The following OPCML variants were observed in gnomAD, a reference collection of about 807,000 sequenced individuals.
The protein encoded by OPCML is opioid binding protein/cell adhesion molecule like.
OPCML carries 13 observed loss-of-function variants against 37.8 expected under a neutral mutation model. The observed-to-expected ratio is 0.34, with a 90% CI of 0.22 to 0.55. OPCML has a LOEUF of 0.55. Ranked by LOEUF, OPCML falls within the 20% of genes least tolerant of loss-of-function variation. The pLI, the probability that OPCML is intolerant of heterozygous loss-of-function variation, is 0.91. For synonymous variants in OPCML, 176 were observed against 168.8 expected, an observed-to-expected ratio of 1.04 and a Z score of -0.33; for missense variants, 341 against 435.6, an observed-to-expected ratio of 0.78 and a Z score of 1.93.
At chr11:133,346,469 C>T (rs540509724) in intron 1 of OPCML, among the ~76,000 whole-genome samples, 1 of 152,148 alleles carries the variant, frequency 6.6e-6, no homozygotes, top group Non-Finnish European at 1.5e-5. Context: ...TAGGGGACTA[C>T]AGAAGAATAG....
chr11:133,290,647 C>T (rs1242921789), intron 1 of OPCML, among the ~76,000 whole-genome samples: 2 of 152,156 alleles, frequency 1.3e-5, no homozygotes, highest in African/African-American at 4.8e-5. Flanking sequence ...CAGGAGATGT[C>T]ACCAGACAAC....
intron 4 of OPCML, among the ~76,000 whole-genome samples, chr11:132,527,799 A>T (rs541616338): frequency 1.3e-5 from 2 of 152,336 alleles, no homozygotes; most frequent in African/African-American, 4.8e-5. Flanking sequence ...TTACAGAGGT[A>T]ATCAAGTTAA....
intron 2 of OPCML, among the ~76,000 whole-genome samples, chr11:132,735,125 G>T (rs937658066): frequency 6.6e-6 from 1 of 152,124 alleles, no homozygotes; most frequent in Non-Finnish European, 1.5e-5. Flanking sequence ...GACCCAGAGC[G>T]TACTGGTTTT....
chr11:133,232,669 G>C (rs913858741), intron 1 of OPCML, among the ~76,000 whole-genome samples: 1 of 152,142 alleles, frequency 6.6e-6, no homozygotes, highest in African/African-American at 2.4e-5. Flanking sequence ...GTGGTGAGAA[G>C]ACATTGTGAC....
intron 2 of OPCML, among the ~76,000 whole-genome samples, chr11:132,779,101 G>T (rs1946907985): frequency 1.3e-5 from 2 of 151,118 alleles, no homozygotes; most frequent in Non-Finnish European, 1.5e-5. Flanking sequence ...CTGAGTAGCT[G>T]GGATTACAGG....
chr11:132,829,135 G>T (rs924641012), intron 2 of OPCML, among the ~76,000 whole-genome samples: 1 of 152,110 alleles, frequency 6.6e-6, no homozygotes, highest in Admixed American at 6.5e-5. Flanking sequence ...AGTATTAGAA[G>T]AATCCAGAAG....
intron 3 of OPCML, among the ~76,000 whole-genome samples, chr11:132,655,811 C>G (rs1161003366): frequency 6.6e-6 from 1 of 151,922 alleles, no homozygotes; most frequent in African/African-American, 2.4e-5. Flanking sequence ...ATAGACAGCC[C>G]CCACGCAACC....
At chr11:133,067,748 G>T (rs77948281) in intron 1 of OPCML, 2 of 152,078 alleles carry the variant, frequency 1.3e-5, no homozygotes, top group Non-Finnish European at 2.9e-5. Flanking sequence ...CTATGCCATC[G>T]CCTCTCCCCC....
At chr11:133,207,578 G>A (rs1939137018) in intron 1 of OPCML, among the ~76,000 whole-genome samples, 1 of 152,132 alleles carries the variant, frequency 6.6e-6, no homozygotes, top group Non-Finnish European at 1.5e-5. Flanking sequence ...GTGAAACGGC[G>A]GCGGTTGGGC....
In OPCML at chr11:133,085,531, G is replaced by A. The variant is rs997543815; in HGVS notation, c.62-142521C>T. Among the ~76,000 whole-genome samples the A allele has an allele frequency of 1.5e-4, 23 of 152,202 alleles. 1 individual carries two copies. Among genetic ancestry groups the A allele is most frequent in the Admixed American group, 9.8e-4 (15 of 15,276 alleles). ...GAATTGATTTGAAAGAGCTTTCAAT[G>A]CATTTGGCAAGACAAACCTTACCTA... On this transcript the variant is annotated intron_variant, in intron 1 of 7. Coordinates refer to ENST00000524381, the MANE Select transcript of OPCML (RefSeq NM_001012393.5).
chr11:133,293,511 G>T (rs982057410), intron 1 of OPCML, among the ~76,000 whole-genome samples: 1 of 152,120 alleles, frequency 6.6e-6, no homozygotes. Context: ...GTAAATGCTG[G>T]CTACTAAGTA....
chr11:132,899,889 G>C (rs537819818), intron 2 of OPCML, among the ~76,000 whole-genome samples: 1 of 151,990 alleles, frequency 6.6e-6, no homozygotes, highest in Non-Finnish European at 1.5e-5. Context: ...AGGCTCTCTC[G>C]CCTGTGGATT....
intron 1 of OPCML, among the ~76,000 whole-genome samples, chr11:133,136,999 G>A (rs146042669): frequency 7.6e-4 from 115 of 152,160 alleles, no homozygotes; most frequent in African/African-American, 1.9e-3. Context: ...TGGTTATGAC[G>A]GATGCCCTCA....
At position 133,398,603 on chromosome 11, in the gene OPCML, C is replaced by CT. The variant is rs548094474; in HGVS notation, c.61+133660dup. On this transcript the variant is annotated intron_variant, in intron 1 of 7. Transcript: ENST00000524381. ...AGGCGAAGGATAAGACTACAAATATCTTTTTTTAAAAAAAAAAATCTAAAG... is the reference window on the plus strand; with the variant it reads ...AGGCGAAGGATAAGACTACAAATATCTTTTTTTTAAAAAAAAAAATCTAAAG... 3.9e-4 allele frequency among the ~76,000 whole-genome samples: 55 copies of CT among 141,688 alleles called. 1 individual carries two copies. In the South Asian group the frequency reaches 0.011, roughly 29 times the overall value. 93.0% of individuals were successfully genotyped at this position (141,688 alleles called of 152,430 possible).
At chr11:133,026,351 C>T (rs1044320671) in intron 1 of OPCML, 63 of 973,832 alleles carry the variant, frequency 6.5e-5, no homozygotes, top group East Asian at 3.4e-4. Context: ...CTTATCCACG[C>T]GTAATACCCT....
At chr11:132,599,905 G>C (rs1461268443) in intron 3 of OPCML, among the ~76,000 whole-genome samples, 1 of 152,050 alleles carries the variant, frequency 6.6e-6, no homozygotes, top group Non-Finnish European at 1.5e-5. Context: ...GGACGCTTTT[G>C]GATAATCTCA....
At chr11:132,665,888 T>C (rs1418861654) in intron 2 of OPCML, among the ~76,000 whole-genome samples, 2 of 152,180 alleles carry the variant, frequency 1.3e-5, no homozygotes, top group African/African-American at 4.8e-5. Flanking sequence ...CACAAGAGTA[T>C]TACAAAGGCA....
intron 1 of OPCML, among the ~76,000 whole-genome samples, chr11:133,141,674 G>C (rs1949825809): frequency 6.6e-6 from 1 of 152,092 alleles, no homozygotes; most frequent in South Asian, 2.1e-4. Context: ...TCTCTCCAGG[G>C]ACAGCATAAG....
intron 1 of OPCML, among the ~76,000 whole-genome samples, chr11:133,311,492 C>G (rs1255300080): frequency 6.6e-6 from 1 of 152,148 alleles, no homozygotes; most frequent in African/African-American, 2.4e-5. Context: ...AGCTGGTGTT[C>G]AAACAGAAGC....
Sources: gnomAD v4.1 joint callset for allele counts (sites outside exome capture counted in the v4.1 genomes callset) on GRCh38, gnomAD v4.1.1 for gene constraint, MANE v1.5 for transcripts, NCBI Gene and HGNC (gene_info 2026-07-23, HGNC 2026-07-21) for gene names.